The following XKR6 variants were observed in gnomAD, a reference collection of about 807,000 sequenced individuals.
The protein encoded by XKR6 is XK-related protein 6.
Under a neutral mutation model 56.7 loss-of-function variants are expected in XKR6, and 22 were observed. The observed-to-expected ratio is 0.39, with a 90% confidence interval of 0.28 to 0.55. The LOEUF (loss-of-function observed/expected upper bound fraction) is 0.55. Among genes scored for constraint, XKR6 ranks in the 20% least tolerant of loss-of-function variants. XKR6 has a pLI of 0.66. For missense variants in XKR6, 852 were observed against 889.0 expected (o/e 0.96, Z 0.53); for synonymous variants, 524 against 387.8 (o/e 1.35, Z -4.13).
In XKR6 at chr8:11,150,341, C is replaced by T. The variant is rs570022724; in HGVS notation, c.764+50235G>A. ...CCATGTAACAAAACACCACATGTAC[C>T]CCATGAATATGTAAAATATCATGTA... is the stretch of plus-strand genomic sequence containing the variant. On this transcript the variant is annotated intron_variant, in intron 1 of 2. Coordinates refer to ENST00000416569, the MANE Select transcript of XKR6 (RefSeq NM_173683.4). Among the ~76,000 whole-genome samples the T allele has an allele frequency of 1.4e-4, 22 of 152,180 alleles. No homozygotes were observed. In the South Asian group the frequency reaches 4.4e-3, roughly 30 times the overall value.
At chr8:11,032,422 C>T (rs1007904786) in intron 1 of XKR6, among the ~76,000 whole-genome samples, 1 of 152,158 alleles carries the variant, frequency 6.6e-6, no homozygotes, top group African/African-American at 2.4e-5. Flanking sequence ...AGTACAAAGA[C>T]ACAAATTGGC....
intron 1 of XKR6, among the ~76,000 whole-genome samples, chr8:11,185,347 GAAC>G (rs1803216604): frequency 6.6e-6 from 1 of 152,166 alleles, no homozygotes; most frequent in Non-Finnish European, 1.5e-5. Context: ...GTGTTTTTGT[GAAC>G]AGAAATATGC....
At chr8:10,980,923 G>C (rs751865322) in intron 1 of XKR6, among the ~76,000 whole-genome samples, 1 of 152,114 alleles carries the variant, frequency 6.6e-6, no homozygotes, top group Non-Finnish European at 1.5e-5. Flanking sequence ...GCAGGCTGGA[G>C]GGATTAGAGA....
chr8:11,083,284 G>A (rs1216097724), intron 1 of XKR6, among the ~76,000 whole-genome samples: 1 of 152,174 alleles, frequency 6.6e-6, no homozygotes, highest in African/African-American at 2.4e-5. Context: ...CAGGAGTGAG[G>A]AAGGAATGGG....
Position 10,984,728 on chromosome 8 carries a change from C to CTATATATATA in XKR6, c.765-59899_765-59898insTATATATATA, listed in dbSNP as rs1176002840. On this transcript the variant is annotated intron_variant, in intron 1 of 2. Coordinates refer to ENST00000416569, the MANE Select transcript of XKR6 (RefSeq NM_173683.4). The stretch of plus-strand genomic sequence containing the variant: ...TCTCTCTCTCTCTCTCTCTCTCTCT[C>CTATATATATA]TCTCTATATATATATATATATATAT... Among the ~76,000 whole-genome samples the CTATATATATA allele has an allele frequency of 2.4e-3, 162 of 66,796 alleles. 1 individual carries two copies. Among genetic ancestry groups the CTATATATATA allele is most frequent in the African/African-American group, 9.9e-3 (144 of 14,588 alleles). 43.8% of individuals were successfully genotyped at this position (66,796 alleles called of 152,430 possible).
chr8:11,075,175 G>A (rs900429796), intron 1 of XKR6, among the ~76,000 whole-genome samples: 1 of 152,106 alleles, frequency 6.6e-6, no homozygotes, highest in Non-Finnish European at 1.5e-5. Flanking sequence ...TGAACTCTGG[G>A]GAAAAAAAGG....
intron 1 of XKR6, among the ~76,000 whole-genome samples, chr8:11,167,350 C>A (rs1339862825): frequency 1.3e-5 from 2 of 152,176 alleles, no homozygotes; most frequent in African/African-American, 2.4e-5. Context: ...GGACCCTGGT[C>A]CCTGGTTCCA....
chr8:10,938,200 A>T (rs1357164154), intron 1 of XKR6, among the ~76,000 whole-genome samples: 7 of 152,204 alleles, frequency 4.6e-5, no homozygotes, highest in Non-Finnish European at 8.8e-5. Flanking sequence ...TGACTCGGAA[A>T]GGGAACTCCC....
chr8:11,110,221 C>T (rs1164488558), intron 1 of XKR6, among the ~76,000 whole-genome samples: 1 of 152,202 alleles, frequency 6.6e-6, no homozygotes. Flanking sequence ...GCTCAGCCCA[C>T]CTTGGCCTCC....
chr8:11,173,339 G>T (rs990053887), intron 1 of XKR6, among the ~76,000 whole-genome samples: 1 of 147,340 alleles, frequency 6.8e-6, no homozygotes, highest in Non-Finnish European at 1.5e-5. Flanking sequence ...GCGAGACTCC[G>T]CCTTAAAAAA....
At position 11,200,148 on chromosome 8, in the gene XKR6, G is replaced by T. The variant is rs751378752; in HGVS notation, c.764+428C>A. 6.6e-6 allele frequency among the ~76,000 whole-genome samples: 1 copy of T among 152,202 alleles called. No individual in the cohort carries two copies. Among genetic ancestry groups the T allele is most frequent in the Admixed American group, 6.5e-5 (1 of 15,286 alleles). On this transcript the variant is annotated intron_variant, in intron 1 of 2. Transcript: ENST00000416569. This position sits in a 1 kb window ranked among gnomAD's most constrained non-coding sequence, Gnocchi z 6.4. ...CTGCAGAGGGAGAACGGGGGAAGAG[G>T]GGAGGATGTCTCACCTGGGAACAAA...
At position 11,123,795 on chromosome 8, in the gene XKR6, G is replaced by C. The variant is rs549069096; in HGVS notation, c.764+76781C>G. Reference sequence around the variant, plus strand: ...AAAACAAAAAAGTCTCCTCATCTCAGTGTAATGCCAGACACTATTTGGAAA... The same window carrying C: ...AAAACAAAAAAGTCTCCTCATCTCACTGTAATGCCAGACACTATTTGGAAA... On this transcript the variant is annotated intron_variant, in intron 1 of 2. Coordinates refer to ENST00000416569, the MANE Select transcript of XKR6 (RefSeq NM_173683.4). 6.2e-5 allele frequency: 28 copies of C among 453,380 alleles called. No individual in the cohort carries two copies. In the Middle Eastern group the frequency reaches 1.3e-3, roughly 21 times the overall value. 28.1% of individuals were successfully genotyped at this position (453,380 alleles called of 1,614,324 possible). A position where few individuals can be genotyped will look rare whatever the true frequency, so the allele number is the denominator to read the frequency against.
chr8:11,165,561 G>C (rs1802032926), intron 1 of XKR6, among the ~76,000 whole-genome samples: 1 of 152,132 alleles, frequency 6.6e-6, no homozygotes, highest in Admixed American at 6.5e-5. Context: ...ATCCTTATTT[G>C]ATTAGCAGAA....
At chr8:11,054,491 G>C (rs1171727159) in intron 1 of XKR6, among the ~76,000 whole-genome samples, 2 of 152,228 alleles carry the variant, frequency 1.3e-5, no homozygotes, top group Admixed American at 1.3e-4. Flanking sequence ...TTATCTGAGA[G>C]TGCATGGGTG....
rs1267566103 is a variant in XKR6, at chr8:10,934,472, G to A, written c.765-9642C>T. 2.5e-5 allele frequency among the ~76,000 whole-genome samples: 3 copies of A among 118,052 alleles called. 1 individual carries two copies. Among genetic ancestry groups the A allele is most frequent in the Non-Finnish European group, 5.9e-5 (3 of 50,652 alleles). The allele number at this position is 118,052 out of a possible 152,430, so 77.4% of individuals were successfully genotyped here. A position where few individuals can be genotyped will look rare whatever the true frequency, so the allele number is the denominator to read the frequency against. On this transcript the variant is annotated intron_variant, in intron 1 of 2. Coordinates refer to ENST00000416569, the MANE Select transcript of XKR6 (RefSeq NM_173683.4). ...CGGTGAGAGAGGGCATCCCTGTCTT[G>A]CGCCAGTTTTCAAAGGGAATGCTTC...
intron 1 of XKR6, among the ~76,000 whole-genome samples, chr8:10,976,125 G>A (rs551482698): frequency 2.0e-5 from 3 of 151,882 alleles, no homozygotes; most frequent in East Asian, 3.9e-4. Context: ...GCAGTGAGCC[G>A]AGATCGTGCC....
intron 1 of XKR6, among the ~76,000 whole-genome samples, chr8:10,949,373 G>A (rs563979658): frequency 2.4e-4 from 37 of 152,348 alleles, no homozygotes; most frequent in African/African-American, 5.3e-4. Flanking sequence ...CAGCAGCACC[G>A]TGGATGAGGA....
intron 1 of XKR6, among the ~76,000 whole-genome samples, chr8:11,103,070 T>C (rs1459515825): frequency 6.6e-6 from 1 of 152,224 alleles, no homozygotes; most frequent in Non-Finnish European, 1.5e-5. Context: ...TACATAACAC[T>C]AGTGTAAGAT....
intron 1 of XKR6, among the ~76,000 whole-genome samples, chr8:11,178,220 T>G (rs1185094396): frequency 6.6e-6 from 1 of 152,252 alleles, no homozygotes; most frequent in Non-Finnish European, 1.5e-5. Flanking sequence ...ACTAGTCATT[T>G]TGCACTCTCA....
Sources: gnomAD v4.1 joint callset for allele counts (sites outside exome capture counted in the v4.1 genomes callset) on GRCh38, gnomAD v4.1.1 for gene constraint, Gnocchi (gnomAD v3.1) non-coding constraint, MANE v1.5 for transcripts, NCBI Gene and HGNC (gene_info 2026-07-23, HGNC 2026-07-21) for gene names.